Variants in CHMP3 observed in about 807,000 individuals in gnomAD.
The protein encoded by CHMP3 is 25.1 protein.
A neutral mutation model predicts 27.4 loss-of-function variants in CHMP3; 8 were observed. The ratio of observed to expected loss-of-function variants is 0.29; its 90% CI spans 0.17 to 0.53. The LOEUF (loss-of-function observed/expected upper bound fraction) is 0.53. Among genes scored for constraint, CHMP3 ranks in the 20% least tolerant of loss-of-function variants. The pLI is 0.96. For synonymous variants in CHMP3, 86 were observed against 85.5 expected (o/e 1.01, Z -0.03); for missense variants, 208 against 271.5 (o/e 0.77, Z 1.64).
At chr2:86,553,820 T>C (rs1346080009) in intron 1 of CHMP3, among the ~76,000 whole-genome samples, 2 of 152,222 alleles carry the variant, frequency 1.3e-5, no homozygotes, top group African/African-American at 2.4e-5. Context: ...ATATGAAATG[T>C]TGCAAAATGT....
intron 3 of CHMP3, among the ~76,000 whole-genome samples, chr2:86,526,844 C>T (rs986282984): frequency 9.9e-5 from 15 of 152,044 alleles, no homozygotes; most frequent in Non-Finnish European, 1.5e-5. Context: ...GCTGGCATTA[C>T]AGGTATGAGC....
At chr2:86,513,455 C>T (rs527348895) in intron 3 of CHMP3, among the ~76,000 whole-genome samples, 116 of 152,206 alleles carry the variant, frequency 7.6e-4, no homozygotes, top group African/African-American at 2.5e-3. Flanking sequence ...CCAAACCCAT[C>T]GAATGTACAA....
intron 5 of CHMP3, 114 bp from the exon 6 acceptor site, chr2:86,506,063 A>C (rs1674874769): frequency 2.4e-6 from 3 of 1,269,788 alleles, no homozygotes; most frequent in Non-Finnish European, 3.0e-6. Context: ...GAGACAGTAC[A>C]GCAAGCTGTT....
In CHMP3 at chr2:86,505,600, A is replaced by G. The variant is rs768403205; in HGVS notation, c.*204T>C. Reference sequence around the variant, plus strand: ...TCCCCACAATAAGATATATCTGTCTATACTCCTAAAAATGATGCATTTATT... The same window carrying G: ...TCCCCACAATAAGATATATCTGTCTGTACTCCTAAAAATGATGCATTTATT... On this transcript the variant is annotated 3_prime_UTR_variant, in exon 6 of 6. Transcript: ENST00000263856. 6.0e-5 allele frequency: 34 copies of G among 563,016 alleles called. No homozygotes were observed. The highest frequency in any genetic ancestry group is 7.7e-5 in the Non-Finnish European group (28 of 365,214). 34.9% of individuals were successfully genotyped at this position (563,016 alleles called of 1,614,324 possible). A position where few individuals can be genotyped will look rare whatever the true frequency, so the allele number is the denominator to read the frequency against.
rs1676052342 is a variant in CHMP3, at chr2:86,534,548, C to A, written c.107-5151G>T. 3.9e-5 allele frequency among the ~76,000 whole-genome samples: 6 copies of A among 152,206 alleles called. No homozygotes were observed. The South Asian group carries it at 1.2e-3, about 32-fold the overall frequency. ...ACCTAATTCCTATCTAGTTGATATA[C>A]CCATTGTTGACAGTGCAGTATTATC... On this transcript the variant is annotated intron_variant, in intron 2 of 5. Transcript: ENST00000263856.
intron 1 of CHMP3, among the ~76,000 whole-genome samples, chr2:86,546,414 T>C (rs561580642): frequency 6.6e-6 from 1 of 151,058 alleles, no homozygotes; most frequent in Admixed American, 6.6e-5. Context: ...GATTTACATT[T>C]TCTTAATGCC....
chr2:86,525,520 G>A (rs367729110), intron 3 of CHMP3, among the ~76,000 whole-genome samples: 9 of 149,062 alleles, frequency 6.0e-5, no homozygotes, highest in East Asian at 2.0e-4. Context: ...GCGACAGTGC[G>A]AGATCTTGTC....
chr2:86,517,133 G>A (rs1468748137), intron 3 of CHMP3, among the ~76,000 whole-genome samples: 1 of 151,976 alleles, frequency 6.6e-6, no homozygotes, highest in Non-Finnish European at 1.5e-5. Context: ...AAAAATTAAA[G>A]CATATAAAAA....
intron 3 of CHMP3, among the ~76,000 whole-genome samples, chr2:86,524,383 TCAAC>T (rs1208302766): frequency 2.0e-5 from 3 of 152,330 alleles, no homozygotes; most frequent in Admixed American, 6.5e-5. Flanking sequence ...GTTTGTAAAT[TCAAC>T]CAACCAAAGA....
intron 2 of CHMP3, among the ~76,000 whole-genome samples, chr2:86,538,933 C>T (rs925229405): frequency 2.0e-5 from 3 of 152,154 alleles, no homozygotes; most frequent in South Asian, 4.1e-4. Flanking sequence ...ATTAAACACA[C>T]TCATGTAACC....
Position 86,510,352 on chromosome 2 carries a change from A to G in CHMP3, c.408+6T>C. 6.2e-7 allele frequency: 1 copy of G among 1,613,980 alleles called. No individual in the cohort carries two copies. The highest frequency in any genetic ancestry group is 1.7e-4 in the Middle Eastern group (1 of 6,058). ...GGAAAGGAAAGCAGGGCTAGCCCCA[A>G]GTCACCTTCATCATTTCTTTGGACA... On this transcript the variant is annotated splice_donor_region_variant and intron_variant, in intron 4 of 5. Transcript: ENST00000263856.
chr2:86,556,661 G>C (rs72932383), intron 1 of CHMP3, among the ~76,000 whole-genome samples: 3 of 152,050 alleles, frequency 2.0e-5, no homozygotes, highest in Non-Finnish European at 2.9e-5. Context: ...CTGCTCTCTC[G>C]GGGAAGGCGG....
chr2:86,545,949 C>G (rs1281385944), intron 1 of CHMP3, among the ~76,000 whole-genome samples: 1 of 152,188 alleles, frequency 6.6e-6, no homozygotes. Context: ...CTCCTCACTT[C>G]CTAGACGGGG....
At chr2:86,529,531 C>T (rs1168199943) in intron 2 of CHMP3, 134 bp from the exon 3 acceptor site, 7 of 839,458 alleles carry the variant, frequency 8.3e-6, no homozygotes, top group East Asian at 3.3e-5. Flanking sequence ...ATCAAAATAA[C>T]GTAGTGAATA....
At chr2:86,529,891 CATAAAAT>C (rs1280344319) in intron 2 of CHMP3, among the ~76,000 whole-genome samples, 2 of 152,124 alleles carry the variant, frequency 1.3e-5, no homozygotes, top group Non-Finnish European at 2.9e-5. Flanking sequence ...TGGTAAAATA[CATAAAAT>C]ATAACATCTT....
At position 86,555,516 on chromosome 2, in the gene CHMP3, T is replaced by G. The variant is rs55920386; in HGVS notation, c.45+7788A>C. Among the ~76,000 whole-genome samples, 3 of 147,032 alleles carry G rather than the reference T, an allele frequency of 2.0e-5. 1 individual carries two copies. Among genetic ancestry groups the G allele is most frequent in the Non-Finnish European group, 4.5e-5 (3 of 66,344 alleles). ...ACTCCATCTCAAAAAAAAAAATAAA[T>G]AAATAAATAATAAATGTGCTGTTTC... On this transcript the variant is annotated intron_variant, in intron 1 of 5. Coordinates refer to ENST00000263856, the MANE Select transcript of CHMP3 (RefSeq NM_016079.4).
intron 3 of CHMP3, among the ~76,000 whole-genome samples, chr2:86,521,315 T>G (rs1675516151): frequency 6.6e-6 from 1 of 152,164 alleles, no homozygotes; most frequent in Non-Finnish European, 1.5e-5. Flanking sequence ...AGCTTGGAGC[T>G]CTCATGCATC....
intron 1 of CHMP3, among the ~76,000 whole-genome samples, chr2:86,558,854 T>C (rs1677236155): frequency 2.0e-5 from 3 of 149,210 alleles, no homozygotes; most frequent in Admixed American, 2.0e-4. Flanking sequence ...TTAAGTATTT[T>C]CTTTCTCCCT....
At chr2:86,554,322 A>T (rs1007917084) in intron 1 of CHMP3, among the ~76,000 whole-genome samples, 1 of 152,178 alleles carries the variant, frequency 6.6e-6, no homozygotes, top group African/African-American at 2.4e-5. Context: ...AAATTTAAAA[A>T]TTTTCATAAT....
Sources: allele counts gnomAD v4.1 joint callset (sites outside exome capture counted in the v4.1 genomes callset), GRCh38; gene constraint gnomAD v4.1.1; transcripts MANE v1.5; gene names NCBI Gene and HGNC (gene_info 2026-07-23, HGNC 2026-07-21).